Variants in ADK observed in about 807,000 individuals in gnomAD.
ADK encodes the protein N6,N6-dimethyladenosine kinase.
Under a neutral mutation model 44.7 loss-of-function variants are expected in ADK, and 24 were observed. The observed-to-expected ratio is 0.54, with a 90% CI of 0.39 to 0.76. The LOEUF (loss-of-function observed/expected upper bound fraction) is 0.76. ADK is among the 30% of genes least tolerant of loss of function. The probability of loss-of-function intolerance (pLI) is 0.00; values close to 1 mark genes in which losing one functional copy is unlikely to be tolerated. For synonymous variants in ADK, 128 were observed against 142.6 expected (o/e 0.90, Z 0.73); for missense variants, 321 against 425.1 (o/e 0.76, Z 2.15).
At chr10:74,420,944 C>T (rs771870543) in intron 6 of ADK, among the ~76,000 whole-genome samples, 1 of 152,110 alleles carries the variant, frequency 6.6e-6, no homozygotes, top group East Asian at 1.9e-4. Context: ...GGGCGATGTA[C>T]TGTTCTGTAT....
At chr10:74,250,261 A>G (rs1041699689) in intron 3 of ADK, among the ~76,000 whole-genome samples, 1 of 152,230 alleles carries the variant, frequency 6.6e-6, no homozygotes, top group East Asian at 1.9e-4. Flanking sequence ...GAGGTATGCA[A>G]GAAGCTATCA....
intron 6 of ADK, among the ~76,000 whole-genome samples, chr10:74,440,300 C>T (rs1004450865): frequency 6.6e-6 from 1 of 152,070 alleles, no homozygotes; most frequent in African/African-American, 2.4e-5. Flanking sequence ...AATGCAGGAA[C>T]TCAAGGTTAG....
intron 1 of ADK, among the ~76,000 whole-genome samples, chr10:74,175,298 C>T (rs949455887): frequency 5.3e-5 from 8 of 151,426 alleles, no homozygotes; most frequent in African/African-American, 1.7e-4. Context: ...GCACAAGAAT[C>T]GCTTGAACCC....
intron 1 of ADK, among the ~76,000 whole-genome samples, chr10:74,200,144 T>C (rs2132148311): frequency 6.6e-6 from 1 of 151,036 alleles, no homozygotes; most frequent in Admixed American, 6.6e-5. Context: ...CTCTGCAACC[T>C]TGACACCATC....
intron 1 of ADK, among the ~76,000 whole-genome samples, 176 bp downstream of exon 1, chr10:74,151,519 G>A (rs553763195): frequency 3.3e-5 from 5 of 152,286 alleles, no homozygotes; most frequent in Non-Finnish European, 7.4e-5. Flanking sequence ...CGTTCTCTCC[G>A]TTTGGCTGAG....
chr10:74,189,976 C>T (rs1284244185), intron 1 of ADK, among the ~76,000 whole-genome samples: 1 of 152,054 alleles, frequency 6.6e-6, no homozygotes, highest in Non-Finnish European at 1.5e-5. Context: ...AGATATGCCC[C>T]AATTTATCCA....
chr10:74,655,756 A>T (rs1055887263), intron 9 of ADK: 1 of 488,582 alleles, frequency 2.0e-6, no homozygotes, highest in African/African-American at 2.0e-5. Context: ...CAGTTGCCAG[A>T]CACCCTCCCT....
chr10:74,526,168 A>G (rs1023392786), intron 7 of ADK, among the ~76,000 whole-genome samples: 3 of 151,886 alleles, frequency 2.0e-5, no homozygotes, highest in Non-Finnish European at 4.4e-5. Flanking sequence ...AAATTTTGAT[A>G]TATTACATTT....
Position 74,247,532 on chromosome 10 carries a change from A to G in ADK, c.194+22941A>G, listed in dbSNP as rs367593195. On this transcript the variant is annotated intron_variant, in intron 3 of 10. Transcript: ENST00000539909. ...GATGAGCCACCTTGCCTGGCCTGATATATTTTATTAGCAGTTTTGCTGTTT... is the reference window on the plus strand; with the variant it reads ...GATGAGCCACCTTGCCTGGCCTGATGTATTTTATTAGCAGTTTTGCTGTTT... Among the ~76,000 whole-genome samples the G allele has an allele frequency of 3.2e-4, 48 of 152,164 alleles. 2 individuals are homozygous for G. The highest frequency in any genetic ancestry group is 1.1e-3 in the African/African-American group (46 of 41,540).
chr10:74,159,102 C>A (rs1448622844), intron 1 of ADK, among the ~76,000 whole-genome samples: 4 of 152,168 alleles, frequency 2.6e-5, no homozygotes, highest in African/African-American at 9.7e-5. Context: ...GTACTTTTGG[C>A]TTCGTACCAT....
chr10:74,583,500 T>C (rs1345692575), intron 7 of ADK, among the ~76,000 whole-genome samples: 1 of 152,162 alleles, frequency 6.6e-6, no homozygotes, highest in Non-Finnish European at 1.5e-5. Flanking sequence ...AGATAGCATA[T>C]ATCTAAATTT....
At chr10:74,544,559 T>C (rs748582006) in intron 7 of ADK, among the ~76,000 whole-genome samples, 8 of 152,098 alleles carry the variant, frequency 5.3e-5, no homozygotes, top group Non-Finnish European at 1.2e-4. Context: ...AAAGCACAGA[T>C]AAAATTTGAA....
chr10:74,636,658 A>T (rs574219410), intron 9 of ADK, among the ~76,000 whole-genome samples: 2 of 152,326 alleles, frequency 1.3e-5, no homozygotes, highest in South Asian at 4.1e-4. Context: ...TGAAATGTAG[A>T]AGTATGAAAA....
intron 9 of ADK, among the ~76,000 whole-genome samples, chr10:74,616,184 C>G (rs1852754188): frequency 6.6e-6 from 1 of 152,144 alleles, no homozygotes; most frequent in South Asian, 2.1e-4. Context: ...TCACTCTCTT[C>G]ATGGTATCTT....
chr10:74,577,424 A>G lies in ADK; in HGVS notation c.727-11858A>G, dbSNP rs545934307. ...AAGAAAATAATACTGGTTATTGGTA[A>G]TATTTGTTGATTTTATATGTTAGCT... On this transcript the variant is annotated intron_variant, in intron 7 of 10. Transcript: ENST00000539909. Among the ~76,000 whole-genome samples the G allele has an allele frequency of 3.1e-4, 47 of 152,110 alleles. 1 individual carries two copies. The South Asian group carries it at 9.1e-3, about 30-fold the overall frequency.
In ADK at chr10:74,676,055, A is replaced by AC. The variant is rs563675939; in HGVS notation, c.964+5786_964+5787insC. Among the ~76,000 whole-genome samples the AC allele has an allele frequency of 3.9e-4, 59 of 151,822 alleles. No homozygotes were observed. The East Asian group carries it at 0.011, about 27-fold the overall frequency. On this transcript the variant is annotated intron_variant, in intron 10 of 10. Coordinates refer to ENST00000539909, the MANE Select transcript of ADK (RefSeq NM_006721.4). The stretch of plus-strand genomic sequence containing the variant: ...AACATTCTTAGAATTAAAAAAAAAA[A>AC]AAAACACCTTCATTAAGTATGGTTA...
chr10:74,626,033 A>G (rs1853190232), intron 9 of ADK, among the ~76,000 whole-genome samples: 1 of 152,244 alleles, frequency 6.6e-6, no homozygotes, highest in Non-Finnish European at 1.5e-5. Context: ...AGTGTAGTTG[A>G]TAATAAATTA....
At chr10:74,693,945 A>T (rs1378783847) in intron 10 of ADK, among the ~76,000 whole-genome samples, 1 of 152,124 alleles carries the variant, frequency 6.6e-6, no homozygotes, top group Non-Finnish European at 1.5e-5. Flanking sequence ...ATAACACATC[A>T]CTTAGCTGAA....
intron 6 of ADK, among the ~76,000 whole-genome samples, chr10:74,475,890 C>T (rs992580364): frequency 2.0e-5 from 3 of 152,020 alleles, no homozygotes; most frequent in Admixed American, 6.5e-5. Flanking sequence ...ACTGTTTTCT[C>T]GTAAGCTACT....
Sources: gnomAD v4.1 joint callset for allele counts (sites outside exome capture counted in the v4.1 genomes callset) on GRCh38, gnomAD v4.1.1 for gene constraint, MANE v1.5 for transcripts, NCBI Gene and HGNC (gene_info 2026-07-23, HGNC 2026-07-21) for gene names.